Variants in LYRM7 observed in about 807,000 individuals in gnomAD.
The protein encoded by LYRM7 is LYR motif containing 7.
A neutral mutation model predicts 15.8 loss-of-function variants in LYRM7; 9 were observed. The ratio of observed to expected loss-of-function variants is 0.57; its 90% confidence interval spans 0.34 to 0.99. LYRM7 has a LOEUF of 0.99. Ranked by LOEUF, LYRM7 falls within the 50% of genes least tolerant of loss-of-function variation. The probability of loss-of-function intolerance (pLI) is 0.02; values close to 1 mark genes in which losing one functional copy is unlikely to be tolerated. For synonymous variants in LYRM7, 39 were observed against 39.4 expected (o/e 0.99, Z 0.04); for missense variants, 115 against 119.1 (o/e 0.97, Z 0.16).
chr5:131,187,677 G>C (rs752234540), intron 4 of LYRM7, among the ~76,000 whole-genome samples: 7 of 151,712 alleles, frequency 4.6e-5, no homozygotes, highest in African/African-American at 9.7e-5. Flanking sequence ...ATAGAAACAG[G>C]GTTTTACTTT....
At chr5:131,171,661 A>T (rs1196237623) in intron 1 of LYRM7, 3 of 152,196 alleles carry the variant, frequency 2.0e-5, no homozygotes, top group African/African-American at 7.2e-5. Flanking sequence ...TGCCCGGCGC[A>T]CAATTCTCAT....
At chr5:131,181,316 T>TATATATATATATATATATATATATACAC (rs1208669077) in intron 2 of LYRM7, among the ~76,000 whole-genome samples, 1 of 27,646 alleles carries the variant, frequency 3.6e-5, no homozygotes, top group East Asian at 8.7e-4. Flanking sequence ...TATATATATA[T>TATATATATATATATATATATATATACAC]ACACACACAC....
chr5:131,184,649 G>GGGGA lies in LYRM7; in HGVS notation c.162+2351_162+2352insGGAG, dbSNP rs1561545594. On this transcript the variant is annotated intron_variant, in intron 3 of 4. Transcript: ENST00000379380. ...ATGGAATTTTTTTTGGCGGGGGGGG[G>GGGGA]GTTCCAGGATTCATGCAGACCACCT... Among the ~76,000 whole-genome samples, 270 of 120,722 alleles carry GGGGA rather than the reference G, an allele frequency of 2.2e-3. 3 individuals are homozygous for GGGGA. Among genetic ancestry groups the GGGGA allele is most frequent in the African/African-American group, 0.014 (259 of 17,986 alleles). 79.2% of individuals were successfully genotyped at this position (120,722 alleles called of 152,430 possible). A position where few individuals can be genotyped will look rare whatever the true frequency, so the allele number is the denominator to read the frequency against.
intron 1 of LYRM7, among the ~76,000 whole-genome samples, chr5:131,172,699 C>CA (rs575407142): frequency 7.4e-5 from 11 of 149,630 alleles, no homozygotes; most frequent in African/African-American, 1.2e-4. Context: ...ATCCTACGTC[C>CA]AAAAAAAAAT....
At chr5:131,181,488 G>GT (rs1388638984) in intron 2 of LYRM7, among the ~76,000 whole-genome samples, 3 of 129,424 alleles carry the variant, frequency 2.3e-5, no homozygotes, top group African/African-American at 6.0e-5. Flanking sequence ...ACATATATAT[G>GT]TATATATACA....
At chr5:131,195,825 C>G (rs896121490) in intron 4 of LYRM7, among the ~76,000 whole-genome samples, 1 of 152,248 alleles carries the variant, frequency 6.6e-6, no homozygotes, top group African/African-American at 2.4e-5. Flanking sequence ...ACCCCTGGGC[C>G]CCTAAACTCC....
At chr5:131,173,638 A>C (rs2149658649) in intron 1 of LYRM7, among the ~76,000 whole-genome samples, 1 of 152,288 alleles carries the variant, frequency 6.6e-6, no homozygotes, top group East Asian at 1.9e-4. Flanking sequence ...CAGCTACGCT[A>C]CTCAGGAGGC....
At chr5:131,199,481 A>C in intron 4 of LYRM7, 50 bp from the exon 5 acceptor site, 2 of 1,313,316 alleles carry the variant, frequency 1.5e-6, no homozygotes, top group Non-Finnish European at 2.1e-6. Flanking sequence ...CCTTGCATTT[A>C]ATTCTAATTT....
At chr5:131,176,518 G>C (rs62391398) in intron 1 of LYRM7, among the ~76,000 whole-genome samples, 1 of 125,056 alleles carries the variant, frequency 8.0e-6, no homozygotes, top group Non-Finnish European at 1.5e-5. Flanking sequence ...GGCCATTTAT[G>C]GGTTTTTTTT....
At chr5:131,192,907 T>A (rs149729261) in intron 4 of LYRM7, among the ~76,000 whole-genome samples, 8 of 152,338 alleles carry the variant, frequency 5.3e-5, no homozygotes, top group African/African-American at 1.9e-4. Flanking sequence ...ATTAGTCGCC[T>A]GGTTTCAGTG....
chr5:131,199,675 G>T lies in LYRM7; in HGVS notation c.*74G>T, dbSNP rs1756027061. The T allele has an allele frequency of 5.8e-6, 6 of 1,028,898 alleles. No individual in the cohort carries two copies. The highest frequency in any genetic ancestry group is 2.1e-4 in the Middle Eastern group (1 of 4,760). The allele number at this position is 1,028,898 out of a possible 1,614,324, so 63.7% of individuals were successfully genotyped here. A position where few individuals can be genotyped will look rare whatever the true frequency, so the allele number is the denominator to read the frequency against. ...CAACTCTGGCAAAAGTCCTGGAAAT[G>T]CAGACATTTTCCCTGAACTGGCATA... On this transcript the variant is annotated 3_prime_UTR_variant, in exon 5 of 5. Transcript: ENST00000379380.
chr5:131,175,455 TC>T (rs1301602780), intron 1 of LYRM7, among the ~76,000 whole-genome samples: 3 of 152,246 alleles, frequency 2.0e-5, no homozygotes, highest in South Asian at 4.1e-4. Flanking sequence ...TGCCTTGACC[TC>T]CCAAAGTGCT....
intron 3 of LYRM7, among the ~76,000 whole-genome samples, chr5:131,183,132 C>A (rs1187241339): frequency 6.8e-6 from 1 of 146,954 alleles, no homozygotes; most frequent in Non-Finnish European, 1.5e-5. Flanking sequence ...TTAAAAAAAA[C>A]TGATAAAAAA....
At chr5:131,188,628 C>A (rs1446754752) in intron 4 of LYRM7, among the ~76,000 whole-genome samples, 2 of 151,946 alleles carry the variant, frequency 1.3e-5, no homozygotes, top group Non-Finnish European at 2.9e-5. Context: ...TAAAGGATTT[C>A]TTTGTATGTT....
intron 4 of LYRM7, among the ~76,000 whole-genome samples, chr5:131,197,941 A>C (rs1351091564): frequency 6.6e-6 from 1 of 152,016 alleles, no homozygotes; most frequent in Non-Finnish European, 1.5e-5. Context: ...TTTACAAAAA[A>C]AGTGCAAAAG....
chr5:131,176,086 G>A lies in LYRM7; in HGVS notation c.19-4009G>A, dbSNP rs987553806. ...CGTTAGCTTATTAAGAGCTAATTAA[G>A]CTCTTATTAATAAGGATATTTCACA... On this transcript the variant is annotated intron_variant, in intron 1 of 4. Transcript: ENST00000379380. 3.9e-5 allele frequency among the ~76,000 whole-genome samples: 6 copies of A among 152,146 alleles called. No individual in the cohort carries two copies. In the South Asian group the frequency reaches 1.2e-3, roughly 32 times the overall value.
intron 3 of LYRM7, among the ~76,000 whole-genome samples, chr5:131,186,764 C>T (rs1173872026): frequency 2.0e-5 from 3 of 152,130 alleles, no homozygotes; most frequent in Non-Finnish European, 4.4e-5. Flanking sequence ...GATTCACATC[C>T]CAGACAGGCT....
chr5:131,181,373 G>GTATA (rs71000975), intron 2 of LYRM7, among the ~76,000 whole-genome samples: 1 of 80,094 alleles, frequency 1.2e-5, no homozygotes, highest in Non-Finnish European at 2.1e-5. Context: ...ACATATATAT[G>GTATA]TATATATAAT....
intron 1 of LYRM7, 69 bp from the exon 2 acceptor site, chr5:131,180,026 C>T: frequency 1.9e-6 from 2 of 1,052,160 alleles, no homozygotes; most frequent in South Asian, 1.3e-5. Flanking sequence ...GCTACCTCAA[C>T]TTCCCAAAGT....
Sources: gnomAD v4.1 joint callset for allele counts (sites outside exome capture counted in the v4.1 genomes callset) on GRCh38, gnomAD v4.1.1 for gene constraint, MANE v1.5 for transcripts, NCBI Gene and HGNC (gene_info 2026-07-23, HGNC 2026-07-21) for gene names.